The following MBOAT2 variants were observed in gnomAD, a reference collection of about 807,000 sequenced individuals.
MBOAT2 encodes the protein membrane-bound glycerophospholipid O-acyltransferase 2.
MBOAT2 carries 28 observed loss-of-function variants against 63.4 expected under a neutral mutation model. The ratio of observed to expected loss-of-function variants is 0.44; its 90% confidence interval spans 0.33 to 0.61. The LOEUF is 0.61. Among genes scored for constraint, MBOAT2 ranks in the 20% least tolerant of loss-of-function variants. The probability of loss-of-function intolerance (pLI) is 0.03; values close to 1 mark genes in which losing one functional copy is unlikely to be tolerated. For synonymous variants in MBOAT2, 211 were observed against 215.6 expected (o/e 0.98, Z 0.19); for missense variants, 470 against 605.8 (o/e 0.78, Z 2.35).
At chr2:8,869,618 A>C (rs1662167633) in intron 8 of MBOAT2, among the ~76,000 whole-genome samples, 1 of 152,208 alleles carries the variant, frequency 6.6e-6, no homozygotes, top group Non-Finnish European at 1.5e-5. Flanking sequence ...TCCTTTAAAA[A>C]TTACACTTTG....
At chr2:8,952,980 T>G (rs1188820806) in intron 2 of MBOAT2, among the ~76,000 whole-genome samples, 1 of 152,216 alleles carries the variant, frequency 6.6e-6, no homozygotes, top group African/African-American at 2.4e-5. Context: ...TCAAAGTTAA[T>G]ATTGATATGT....
At position 8,879,000 on chromosome 2, in the gene MBOAT2, C is replaced by T. The variant is rs1558565328; in HGVS notation, c.507-1787G>A. On this transcript the variant is annotated intron_variant, in intron 6 of 12. Coordinates refer to ENST00000305997, the MANE Select transcript of MBOAT2 (RefSeq NM_138799.4). ...CTGAGGCAGGAGAATGGCGTGAACCCGGGAGGCGGAGCTTGCAGTGAGCCG... is the reference window on the plus strand; with the variant it reads ...CTGAGGCAGGAGAATGGCGTGAACCTGGGAGGCGGAGCTTGCAGTGAGCCG... Among the ~76,000 whole-genome samples, 3 of 147,038 alleles carry T rather than the reference C, an allele frequency of 2.0e-5. No homozygotes were observed. In the South Asian group the frequency reaches 6.5e-4, roughly 32 times the overall value.
chr2:8,899,871 C>G (rs979084140), intron 4 of MBOAT2, among the ~76,000 whole-genome samples: 17 of 152,138 alleles, frequency 1.1e-4, no homozygotes, highest in African/African-American at 4.1e-4. Context: ...TTATAGAACA[C>G]CGAGGTTGCC....
intron 6 of MBOAT2, 95 bp downstream of exon 6, chr2:8,882,416 C>T: frequency 8.3e-7 from 1 of 1,205,122 alleles, no homozygotes; most frequent in Admixed American, 1.8e-5. Flanking sequence ...AAGTAAGTAC[C>T]TCTAGAAGGA....
chr2:8,944,315 T>G (rs549775787), intron 2 of MBOAT2, among the ~76,000 whole-genome samples: 9 of 152,330 alleles, frequency 5.9e-5, no homozygotes, highest in Non-Finnish European at 1.3e-4. Flanking sequence ...TGTCCGTGCA[T>G]GCACACACAC....
chr2:8,978,683 G>A (rs985331147), intron 1 of MBOAT2, among the ~76,000 whole-genome samples: 2 of 152,120 alleles, frequency 1.3e-5, no homozygotes, highest in African/African-American at 4.8e-5. Context: ...AGTGAGCGGA[G>A]AGAGAGCATT....
intron 3 of MBOAT2, among the ~76,000 whole-genome samples, chr2:8,923,042 T>C (rs1170035630): frequency 6.6e-6 from 1 of 152,252 alleles, no homozygotes; most frequent in Non-Finnish European, 1.5e-5. Flanking sequence ...GCTAAACTGC[T>C]TTTGCTCATT....
chr2:8,959,470 T>C (rs1159031966), intron 1 of MBOAT2, among the ~76,000 whole-genome samples: 3 of 151,872 alleles, frequency 2.0e-5, no homozygotes, highest in South Asian at 2.1e-4. Context: ...TTTTCTTTTT[T>C]TTTTTTTTTA....
At chr2:8,910,516 G>A (rs1665640784) in intron 3 of MBOAT2, among the ~76,000 whole-genome samples, 1 of 152,182 alleles carries the variant, frequency 6.6e-6, no homozygotes, top group Admixed American at 6.5e-5. Flanking sequence ...AATCAAAACA[G>A]AAACTGGTAA....
chr2:8,974,384 A>T, intron 1 of MBOAT2: 1 of 456,518 alleles, frequency 2.2e-6, no homozygotes. Flanking sequence ...TCTGCCAGGT[A>T]CGTGAGACAC....
chr2:8,961,687 A>C (rs1050390027), intron 1 of MBOAT2, among the ~76,000 whole-genome samples: 5 of 152,194 alleles, frequency 3.3e-5, no homozygotes, highest in Non-Finnish European at 7.3e-5. Flanking sequence ...TTTGGTAAAA[A>C]CCAAGTTACA....
At chr2:8,975,863 C>T (rs990356246) in intron 1 of MBOAT2, among the ~76,000 whole-genome samples, 1 of 149,642 alleles carries the variant, frequency 6.7e-6, no homozygotes, top group Admixed American at 6.7e-5. Flanking sequence ...ATCATGAGAA[C>T]ACAAAGTAGA....
Position 9,003,039 on chromosome 2 carries a change from T to C in MBOAT2, c.75+501A>G, listed in dbSNP as rs920407700. ...GGGCCCCTAGCACCCATCGACGCCG[T>C]CTCTAAGGCACCCAGCACACCCAGA... On this transcript the variant is annotated intron_variant, in intron 1 of 12. Coordinates refer to ENST00000305997, the MANE Select transcript of MBOAT2 (RefSeq NM_138799.4). This position sits in a 1 kb window ranked among gnomAD's most constrained non-coding sequence, Gnocchi z 5.4. Among the ~76,000 whole-genome samples the C allele has an allele frequency of 4.0e-5, 6 of 151,682 alleles. No homozygotes were observed. The highest frequency in any genetic ancestry group is 9.7e-5 in the African/African-American group (4 of 41,326).
intron 1 of MBOAT2, among the ~76,000 whole-genome samples, chr2:8,993,718 T>C (rs1672073700): frequency 6.6e-6 from 1 of 152,144 alleles, no homozygotes; most frequent in South Asian, 2.1e-4. Flanking sequence ...GGAGCTGCGG[T>C]GTTTTATGTC....
At chr2:8,939,615 A>T (rs947386565) in intron 3 of MBOAT2, among the ~76,000 whole-genome samples, 2 of 152,138 alleles carry the variant, frequency 1.3e-5, no homozygotes, top group South Asian at 4.1e-4. Flanking sequence ...GACCCTCCAC[A>T]CCACACAGGT....
chr2:8,961,815 A>T (rs1212552268), intron 1 of MBOAT2, among the ~76,000 whole-genome samples: 1 of 152,184 alleles, frequency 6.6e-6, no homozygotes, highest in Non-Finnish European at 1.5e-5. Context: ...CATCATCTGC[A>T]GCACACTTGA....
chr2:8,940,939 GAAAC>G (rs1382865772), intron 3 of MBOAT2, among the ~76,000 whole-genome samples: 1 of 151,946 alleles, frequency 6.6e-6, no homozygotes, highest in Non-Finnish European at 1.5e-5. Flanking sequence ...TAGACTGAAA[GAAAC>G]AAACAGATTG....
intron 3 of MBOAT2, among the ~76,000 whole-genome samples, chr2:8,935,672 CA>C (rs1279570187): frequency 1.7e-4 from 26 of 152,384 alleles, no homozygotes; most frequent in African/African-American, 6.3e-4. Context: ...CAATATGAAG[CA>C]TGCAGGTACC....
chr2:8,871,553 G>A (rs1662328340), intron 8 of MBOAT2, among the ~76,000 whole-genome samples: 1 of 152,180 alleles, frequency 6.6e-6, no homozygotes, highest in South Asian at 2.1e-4. Context: ...CAGAATTTAA[G>A]TAGTACAGGA....
Sources: gnomAD v4.1 joint callset for allele counts (sites outside exome capture counted in the v4.1 genomes callset) on GRCh38, gnomAD v4.1.1 for gene constraint, Gnocchi (gnomAD v3.1) non-coding constraint, MANE v1.5 for transcripts, NCBI Gene and HGNC (gene_info 2026-07-23, HGNC 2026-07-21) for gene names.